The following MEIS1 variants were observed in gnomAD, a reference collection of about 807,000 sequenced individuals.
MEIS1 encodes the protein Meis homeobox 1.
Under a neutral mutation model 50.8 loss-of-function variants are expected in MEIS1, and 5 were observed. That is an observed-to-expected ratio of 0.10 (90% CI 0.05 to 0.21). The LOEUF (loss-of-function observed/expected upper bound fraction) is 0.21. Among genes scored for constraint, MEIS1 ranks in the 10% least tolerant of loss-of-function variants. The pLI, the probability that MEIS1 is intolerant of heterozygous loss-of-function variation, is 1.00. For missense variants in MEIS1, 318 were observed against 517.3 expected, an observed-to-expected ratio of 0.61 and a Z score of 3.74; for synonymous variants, 176 against 179.3, an observed-to-expected ratio of 0.98 and a Z score of 0.15.
intron 7 of MEIS1, among the ~76,000 whole-genome samples, chr2:66,484,388 CCTTT>C (rs1191756046): frequency 6.6e-6 from 1 of 152,214 alleles, no homozygotes; most frequent in Non-Finnish European, 1.5e-5. Flanking sequence ...TGACTATCTT[CCTTT>C]ATTTTTCTAT....
At chr2:66,478,487 T>G (rs1396302277) in intron 7 of MEIS1, among the ~76,000 whole-genome samples, 1 of 152,236 alleles carries the variant, frequency 6.6e-6, no homozygotes, top group Non-Finnish European at 1.5e-5. Flanking sequence ...ATCCGTAAGT[T>G]GCATATGGCA....
At chr2:66,438,848 T>G (rs1188562001) in intron 2 of MEIS1, among the ~76,000 whole-genome samples, 7 of 152,044 alleles carry the variant, frequency 4.6e-5, no homozygotes, top group Non-Finnish European at 8.8e-5. Context: ...AAAATATATA[T>G]AATCTTTTTA....
chr2:66,437,937 A>C lies in MEIS1; in HGVS notation c.213A>C (p.Leu71Phe). The change falls in exon 2 of 13, where the codon TTA becomes TTC. Residue 71 changes from leucine (L) to phenylalanine (F), a missense_variant. Physicochemically the swap from Leu to Phe is conservative, Grantham distance 22. Transcript: ENST00000272369. ...PSMGSSVNDA[L>F]KRDKDAIYGH... ...TGGGCTCCTCTGTCAATGACGCTTT[A>C]AAGAGAGATAAAGATGCCATTTATG... 6.3e-7 allele frequency: 1 copy of C among 1,582,724 alleles called. No homozygotes were observed. The highest frequency in any genetic ancestry group is 8.6e-7 in the Non-Finnish European group (1 of 1,164,006).
intron 7 of MEIS1, among the ~76,000 whole-genome samples, chr2:66,483,486 T>C (rs1426030715): frequency 6.6e-6 from 1 of 152,184 alleles, no homozygotes; most frequent in East Asian, 1.9e-4. Flanking sequence ...TGCCCTTTTG[T>C]GTCAGGACAG....
At chr2:66,503,426 C>G (rs1673604569) in intron 7 of MEIS1, among the ~76,000 whole-genome samples, 1 of 152,190 alleles carries the variant, frequency 6.6e-6, no homozygotes, top group Non-Finnish European at 1.5e-5. Context: ...GTTGACTTTT[C>G]TCCGCCCTTT....
intron 3 of MEIS1, chr2:66,440,251 C>T: frequency 1.7e-6 from 1 of 591,530 alleles, no homozygotes; most frequent in Admixed American, 3.1e-5. Flanking sequence ...GTGGAGAGCT[C>T]ACTCTGCAGA....
At position 66,571,450 on chromosome 2, in the gene MEIS1, T is replaced by A; in HGVS notation, c.*242T>A. The A allele has an allele frequency of 6.2e-7, 1 of 1,604,024 alleles. No individual in the cohort carries two copies. The highest frequency in any genetic ancestry group is 8.5e-7 in the Non-Finnish European group (1 of 1,175,418). ...GGACCGCCCCACCCTGGAATGCCAA[T>A]GTCAGCATCAAGCCCCACAGTTCTT... On this transcript the variant is annotated 3_prime_UTR_variant, in exon 13 of 13. Coordinates refer to ENST00000272369, the MANE Select transcript of MEIS1 (RefSeq NM_002398.3).
At chr2:66,471,897 T>A (rs1672770371) in intron 7 of MEIS1, among the ~76,000 whole-genome samples, 1 of 152,236 alleles carries the variant, frequency 6.6e-6, no homozygotes. Flanking sequence ...ACATCACATA[T>A]AGAGAAATAT....
intron 6 of MEIS1, among the ~76,000 whole-genome samples, chr2:66,456,993 C>T (rs181690264): frequency 2.0e-5 from 3 of 152,134 alleles, no homozygotes; most frequent in East Asian, 3.9e-4. Context: ...ATCCACAGCA[C>T]GTGTGCACAG....
chr2:66,521,372 T>G (rs1047803437), intron 8 of MEIS1, among the ~76,000 whole-genome samples: 3 of 151,826 alleles, frequency 2.0e-5, no homozygotes, highest in African/African-American at 7.3e-5. Flanking sequence ...TTTTTTTTTT[T>G]GCCTGTCACG....
At chr2:66,508,876 A>G in intron 7 of MEIS1, 4 of 396,608 alleles carry the variant, frequency 1.0e-5, no homozygotes, top group South Asian at 5.9e-5. Context: ...ATGGACTAGC[A>G]TCATTTTTAT....
chr2:66,459,309 A>T (rs948671196), intron 6 of MEIS1, among the ~76,000 whole-genome samples: 16 of 152,188 alleles, frequency 1.1e-4, no homozygotes, highest in African/African-American at 3.9e-4. Context: ...GTGCAATGGG[A>T]TGTTGCAGGA....
Position 66,571,220 on chromosome 2 carries a change from G to T in MEIS1, c.*38-26G>T, listed in dbSNP as rs1264013636. ...TGCTTTTTCATAACATTTTCTTTTT[G>T]TTTCTTTCTTTTGAATTTCTTACAG... is the stretch of plus-strand genomic sequence containing the variant. On this transcript the variant is annotated intron_variant, in intron 12 of 12. Transcript: ENST00000272369. 3.9e-6 allele frequency: 6 copies of T among 1,546,542 alleles called. No homozygotes were observed. In the Admixed American group the frequency reaches 6.3e-5, roughly 16 times the overall value.
chr2:66,492,518 C>A (rs1489547632), intron 7 of MEIS1, among the ~76,000 whole-genome samples: 1 of 152,188 alleles, frequency 6.6e-6, no homozygotes, highest in African/African-American at 2.4e-5. Context: ...GCCTCCTGGG[C>A]AACTAAGCTA....
intron 9 of MEIS1, among the ~76,000 whole-genome samples, chr2:66,558,341 C>A (rs1675127857): frequency 6.8e-6 from 1 of 146,648 alleles, no homozygotes; most frequent in East Asian, 2.0e-4. Context: ...GATAGTCACA[C>A]TGAAATCCAG....
At chr2:66,476,324 A>C (rs903194111) in intron 7 of MEIS1, among the ~76,000 whole-genome samples, 21 of 152,196 alleles carry the variant, frequency 1.4e-4, no homozygotes, top group African/African-American at 5.1e-4. Context: ...CCTCAGGTAA[A>C]AGGAATACAT....
At chr2:66,439,525 A>T in intron 2 of MEIS1, 1 of 1,488,822 alleles carries the variant, frequency 6.7e-7, no homozygotes, top group Middle Eastern at 1.8e-4. Flanking sequence ...TCGGGTGGGA[A>T]ACTTAATTCA....
chr2:66,512,252 A>G lies in MEIS1; in HGVS notation c.846A>G (p.Val282=). The G allele has an allele frequency of 2.5e-6, 4 of 1,613,024 alleles. No individual in the cohort carries two copies. The highest frequency in any genetic ancestry group is 3.4e-6 in the Non-Finnish European group (4 of 1,179,642). ...AAAAGCGTGGCATCTTTCCCAAAGT[A>G]GCCACAAATATCATGAGGGCGTGGC... ...RHKKRGIFPK[V]ATNIMRAWLF... Residue 282 remains valine, a synonymous_variant, in exon 8 of 13, where the codon GTA becomes GTG. Transcript: ENST00000272369.
At chr2:66,490,965 T>C (rs1673257356) in intron 7 of MEIS1, among the ~76,000 whole-genome samples, 1 of 152,198 alleles carries the variant, frequency 6.6e-6, no homozygotes, top group African/African-American at 2.4e-5. Flanking sequence ...TGTTTGCCAC[T>C]GAGTGCTTAA....
Sources: gnomAD v4.1 joint callset for allele counts (sites outside exome capture counted in the v4.1 genomes callset) on GRCh38, gnomAD v4.1.1 for gene constraint, MANE v1.5 for transcripts, NCBI Gene and HGNC (gene_info 2026-07-23, HGNC 2026-07-21) for gene names.